EYS: variants seen among roughly 807,000 people sequenced by gnomAD.
EYS encodes the protein protein eyes shut homolog.
A neutral mutation model predicts 282.1 loss-of-function variants in EYS; 250 were observed. The ratio of observed to expected loss-of-function variants is 0.89; its 90% confidence interval spans 0.80 to 0.98. EYS has a LOEUF of 0.98. Ranked by LOEUF, EYS falls within the 50% of genes least tolerant of loss-of-function variation. The pLI is 0.00. For synonymous variants in EYS, 1,355 were observed against 1,282.9 expected (o/e 1.06, Z -1.20); for missense variants, 4,016 against 3,709.0 (o/e 1.08, Z -2.15).
chr6:65,226,535 T>G (rs980401848), intron 12 of EYS, among the ~76,000 whole-genome samples: 17 of 152,074 alleles, frequency 1.1e-4, no homozygotes, highest in African/African-American at 3.6e-4. Context: ...CAATATCAAT[T>G]GTCAATACGG....
intron 26 of EYS, among the ~76,000 whole-genome samples, chr6:64,446,564 T>C (rs1190009259): frequency 6.6e-6 from 1 of 152,042 alleles, no homozygotes; most frequent in Non-Finnish European, 1.5e-5. Context: ...TTTCATTTTT[T>C]TTTGTTTTGT....
At chr6:64,886,940 TTA>T in intron 18 of EYS, 98 bp from the exon 19 acceptor site, 1 of 772,566 alleles carries the variant, frequency 1.3e-6, no homozygotes, top group Non-Finnish European at 1.9e-6. Context: ...GACATTCAAC[TTA>T]ATTGAAATAA....
intron 26 of EYS, among the ~76,000 whole-genome samples, chr6:64,561,404 A>G (rs1466762044): frequency 6.6e-6 from 1 of 152,148 alleles, no homozygotes; most frequent in Non-Finnish European, 1.5e-5. Context: ...TGCAGACAAC[A>G]TGATTCTATA....
At chr6:65,223,514 T>A (rs192330780) in intron 12 of EYS, among the ~76,000 whole-genome samples, 1 of 152,344 alleles carries the variant, frequency 6.6e-6, no homozygotes, top group East Asian at 1.9e-4. Flanking sequence ...ATTCCTAGTG[T>A]GTCTAGCTTG....
chr6:63,963,665 C>G (rs1232723940), intron 35 of EYS, among the ~76,000 whole-genome samples: 1 of 152,260 alleles, frequency 6.6e-6, no homozygotes, highest in Admixed American at 6.5e-5. Flanking sequence ...TTTTCACCCT[C>G]TCCTTAAAAC....
At chr6:63,813,626 T>C (rs1277243366) in intron 36 of EYS, among the ~76,000 whole-genome samples, 1 of 152,200 alleles carries the variant, frequency 6.6e-6, no homozygotes, top group Non-Finnish European at 1.5e-5. Flanking sequence ...CATTGCTGTT[T>C]TTAAACAGAT....
intron 12 of EYS, among the ~76,000 whole-genome samples, chr6:65,182,066 G>A (rs841524): frequency 0.019 from 2,871 of 151,928 alleles, 71 homozygotes; most frequent in African/African-American, 0.065. Context: ...TTTGGGTAGG[G>A]GTAGGGGGGA....
intron 21 of EYS, among the ~76,000 whole-genome samples, chr6:64,820,069 C>T (rs78217540): frequency 0.015 from 2,302 of 151,968 alleles, 58 homozygotes; most frequent in African/African-American, 0.053. Context: ...TCTAGGTAAG[C>T]GGTGTGCTCA....
intron 29 of EYS, among the ~76,000 whole-genome samples, chr6:64,310,631 T>C (rs565419227): frequency 6.6e-6 from 1 of 152,290 alleles, no homozygotes; most frequent in Non-Finnish European, 1.5e-5. Context: ...AAGTAACTAA[T>C]ATGTACTAGG....
intron 22 of EYS, among the ~76,000 whole-genome samples, chr6:64,754,900 T>A (rs1017987731): frequency 6.6e-6 from 1 of 152,094 alleles, no homozygotes; most frequent in African/African-American, 2.4e-5. Flanking sequence ...GATTCCCACT[T>A]TCATCAGTAC....
intron 12 of EYS, among the ~76,000 whole-genome samples, chr6:65,121,954 G>T (rs75527598): frequency 0.026 from 3,883 of 151,746 alleles, 179 homozygotes; most frequent in African/African-American, 0.09. Context: ...TGAAAAAAAA[G>T]AACACTAAAA....
At chr6:64,574,624 A>G (rs1428610296) in intron 26 of EYS, among the ~76,000 whole-genome samples, 1 of 152,134 alleles carries the variant, frequency 6.6e-6, no homozygotes, top group African/African-American at 2.4e-5. Context: ...GAGAAGTACC[A>G]GTTCTAATAA....
intron 12 of EYS, among the ~76,000 whole-genome samples, chr6:65,194,005 A>G (rs1204025466): frequency 6.6e-6 from 1 of 151,960 alleles, no homozygotes; most frequent in Non-Finnish European, 1.5e-5. Context: ...AATAATTCAA[A>G]TGGATTTCCT....
At position 65,459,566 on chromosome 6, in the gene EYS, A is replaced by G. The variant is rs75682710; in HGVS notation, c.862+31028T>C. Among the ~76,000 whole-genome samples the G allele has an allele frequency of 1.5e-4, 23 of 152,114 alleles. No individual in the cohort carries two copies. The East Asian group carries it at 4.3e-3, about 28-fold the overall frequency. On this transcript the variant is annotated intron_variant, in intron 5 of 42. Coordinates refer to ENST00000503581, the MANE Select transcript of EYS (RefSeq NM_001142800.2). ...TAAATCTGACAATTTAATGAATGAA[A>G]AGATAAAATAAAATATTATTATACA...
intron 12 of EYS, among the ~76,000 whole-genome samples, chr6:65,210,577 T>G (rs1766149258): frequency 6.6e-6 from 1 of 152,022 alleles, no homozygotes; most frequent in African/African-American, 2.4e-5. Flanking sequence ...TCAATTGGCA[T>G]GATCTCAGTT....
At chr6:64,395,114 T>C (rs1352494760) in intron 28 of EYS, among the ~76,000 whole-genome samples, 2 of 151,964 alleles carry the variant, frequency 1.3e-5, no homozygotes, top group African/African-American at 4.8e-5. Context: ...ATGGCGATCA[T>C]TAAAAAGTCA....
chr6:65,203,893 A>T lies in EYS; in HGVS notation c.2023+91970T>A, dbSNP rs1017828867. 2.3e-5 allele frequency among the ~76,000 whole-genome samples: 3 copies of T among 130,198 alleles called. No individual in the cohort carries two copies. The South Asian group carries it at 7.1e-4, about 31-fold the overall frequency. The allele number at this position is 130,198 out of a possible 152,430, so 85.4% of individuals were successfully genotyped here. ...ATATATTTTTTAAATAACTGGAAAT[A>T]AAAAAAAACTGAAGAAAATTTAAAA... On this transcript the variant is annotated intron_variant, in intron 12 of 42. Transcript: ENST00000503581.
At chr6:64,467,832 A>C (rs536509078) in intron 26 of EYS, among the ~76,000 whole-genome samples, 1 of 152,126 alleles carries the variant, frequency 6.6e-6, no homozygotes, top group Admixed American at 6.5e-5. Flanking sequence ...GGATCAGCCT[A>C]CTCAGCTTGC....
chr6:65,185,060 T>C (rs139576153), intron 12 of EYS, among the ~76,000 whole-genome samples: 2 of 151,366 alleles, frequency 1.3e-5, no homozygotes, highest in East Asian at 3.9e-4. Context: ...ATATGTGTGA[T>C]TGATCTGAAT....
Sources: gnomAD v4.1 joint callset for allele counts (sites outside exome capture counted in the v4.1 genomes callset) on GRCh38, gnomAD v4.1.1 for gene constraint, MANE v1.5 for transcripts, NCBI Gene and HGNC (gene_info 2026-07-23, HGNC 2026-07-21) for gene names.